FHIT: variants seen among roughly 807,000 people sequenced by gnomAD.
FHIT encodes fragile histidine triad diadenosine triphosphatase, also known as bis(5'-adenosyl)-triphosphatase.
Under a neutral mutation model 17.9 loss-of-function variants are expected in FHIT, and 19 were observed. The ratio of observed to expected loss-of-function variants is 1.06; its 90% CI spans 0.74 to 1.56. The LOEUF is 1.56. FHIT is among the 40% of genes most tolerant of loss of function. FHIT has a pLI of 0.00. For missense variants in FHIT, 248 were observed against 189.2 expected (o/e 1.31, Z -1.82); for synonymous variants, 81 against 69.7 (o/e 1.16, Z -0.81).
intron 8 of FHIT, among the ~76,000 whole-genome samples, chr3:59,777,645 G>A (rs1485718): frequency 0.028 from 4,294 of 152,230 alleles, 145 homozygotes; most frequent in East Asian, 0.16. Context: ...CAGCCAGGGA[G>A]TGACCCTTTT....
chr3:61,050,071 T>C (rs1337814412), intron 2 of FHIT, among the ~76,000 whole-genome samples: 2 of 152,140 alleles, frequency 1.3e-5, no homozygotes, highest in Admixed American at 1.3e-4. Context: ...AAGTACACGG[T>C]TTAACCATTT....
At chr3:60,947,068 C>T (rs1438929212) in intron 3 of FHIT, among the ~76,000 whole-genome samples, 1 of 152,134 alleles carries the variant, frequency 6.6e-6, no homozygotes, top group Admixed American at 6.5e-5. Flanking sequence ...AGACAAAATT[C>T]TTCTTAATCT....
At chr3:60,016,176 A>G (rs930617797) in intron 5 of FHIT, among the ~76,000 whole-genome samples, 8 of 152,348 alleles carry the variant, frequency 5.3e-5, no homozygotes, top group African/African-American at 1.9e-4. Context: ...TAACCTTTAA[A>G]GAATTAAAGT....
intron 5 of FHIT, among the ~76,000 whole-genome samples, chr3:60,470,058 T>TTCTTTCTCTCTCTC (rs1323971036): frequency 1.0e-4 from 15 of 142,940 alleles, no homozygotes; most frequent in Admixed American, 2.8e-4. Flanking sequence ...CTCTCTTTCT[T>TTCTTTCTCTCTCTC]TCTCTCTCTC....
intron 4 of FHIT, among the ~76,000 whole-genome samples, chr3:60,745,424 G>A (rs782540021): frequency 1.3e-5 from 2 of 152,162 alleles, no homozygotes; most frequent in Non-Finnish European, 2.9e-5. Context: ...ATGGAGAGTT[G>A]GTAGGGACCG....
At chr3:60,571,437 A>G (rs1358029333) in intron 4 of FHIT, among the ~76,000 whole-genome samples, 2 of 151,668 alleles carry the variant, frequency 1.3e-5, no homozygotes, top group Non-Finnish European at 2.9e-5. Context: ...AGATTAATTA[A>G]TATCAATTAA....
At chr3:60,373,416 G>A (rs1446723476) in intron 5 of FHIT, among the ~76,000 whole-genome samples, 2 of 152,284 alleles carry the variant, frequency 1.3e-5, no homozygotes, top group Non-Finnish European at 2.9e-5. Flanking sequence ...AGGTCAGTGT[G>A]GTTGCAGTAC....
At chr3:60,322,980 CAA>C (rs1186047168) in intron 5 of FHIT, among the ~76,000 whole-genome samples, 1 of 152,114 alleles carries the variant, frequency 6.6e-6, no homozygotes, top group Non-Finnish European at 1.5e-5. Context: ...AGACTGGCAA[CAA>C]AGACATACAG....
At chr3:60,250,279 A>C (rs1705628230) in intron 5 of FHIT, among the ~76,000 whole-genome samples, 1 of 152,162 alleles carries the variant, frequency 6.6e-6, no homozygotes. Context: ...TCACATTTTT[A>C]GTTGCTTACT....
chr3:59,769,049 A>G (rs979066329), intron 8 of FHIT, among the ~76,000 whole-genome samples: 1 of 152,214 alleles, frequency 6.6e-6, no homozygotes, highest in African/African-American at 2.4e-5. Context: ...AAAGCTGGAA[A>G]GAAAACCACT....
intron 4 of FHIT, among the ~76,000 whole-genome samples, chr3:60,549,508 A>T (rs2036475926): frequency 6.6e-6 from 1 of 152,172 alleles, no homozygotes; most frequent in African/African-American, 2.4e-5. Flanking sequence ...AAGTATATTG[A>T]ACTATTAAGG....
At chr3:60,584,215 C>A (rs992060313) in intron 4 of FHIT, among the ~76,000 whole-genome samples, 1 of 152,018 alleles carries the variant, frequency 6.6e-6, no homozygotes. Context: ...GAGTTGATAA[C>A]CTGAAATTGG....
At chr3:60,086,247 A>C (rs1019976458) in intron 5 of FHIT, among the ~76,000 whole-genome samples, 1 of 152,152 alleles carries the variant, frequency 6.6e-6, no homozygotes, top group African/African-American at 2.4e-5. Flanking sequence ...GCATCGATCT[A>C]TTCATGAAGG....
chr3:59,764,175 G>A (rs1429122573), intron 8 of FHIT, among the ~76,000 whole-genome samples: 1 of 152,122 alleles, frequency 6.6e-6, no homozygotes, highest in East Asian at 1.9e-4. Flanking sequence ...CCCCAGAAAA[G>A]CAGGTGAGCA....
At chr3:60,301,819 T>A (rs1708468965) in intron 5 of FHIT, among the ~76,000 whole-genome samples, 1 of 152,158 alleles carries the variant, frequency 6.6e-6, no homozygotes, top group South Asian at 2.1e-4. Flanking sequence ...AAGCACAGAT[T>A]ACTCTTATTT....
At chr3:61,044,556 T>C (rs1033693350) in intron 2 of FHIT, among the ~76,000 whole-genome samples, 3 of 151,932 alleles carry the variant, frequency 2.0e-5, no homozygotes, top group African/African-American at 4.8e-5. Flanking sequence ...TGGAAAACAC[T>C]CTGCAGGATA....
chr3:60,036,965 A>G (rs1701242746), intron 5 of FHIT, among the ~76,000 whole-genome samples: 1 of 152,230 alleles, frequency 6.6e-6, no homozygotes, highest in South Asian at 2.1e-4. Context: ...CACTGGAAGA[A>G]ATTGCCTCTA....
At chr3:60,860,656 T>C (rs184923819) in intron 3 of FHIT, among the ~76,000 whole-genome samples, 5 of 107,506 alleles carry the variant, frequency 4.7e-5, no homozygotes, top group African/African-American at 1.9e-4. Context: ...TGTACATATA[T>C]CAGGTATATA....
chr3:60,144,955 G>T (rs144564224), intron 5 of FHIT, among the ~76,000 whole-genome samples: 3,636 of 152,168 alleles, frequency 0.024, 72 homozygotes, highest in South Asian at 0.038. Context: ...AATAAAGGGC[G>T]TGTGATGCAC....
Sources: gnomAD v4.1 joint callset for allele counts (sites outside exome capture counted in the v4.1 genomes callset) on GRCh38, gnomAD v4.1.1 for gene constraint, MANE v1.5 for transcripts, NCBI Gene and HGNC (gene_info 2026-07-23, HGNC 2026-07-21) for gene names.